The following POP1 variants were observed in gnomAD, a reference collection of about 807,000 sequenced individuals.
POP1 encodes ribonucleases P/MRP protein subunit POP1.
Under a neutral mutation model 102.2 loss-of-function variants are expected in POP1, and 75 were observed. The ratio of observed to expected loss-of-function variants is 0.73; its 90% confidence interval spans 0.61 to 0.89. POP1 has a LOEUF of 0.89. POP1 is among the 40% of genes least tolerant of loss of function. The pLI, the probability that POP1 is intolerant of heterozygous loss-of-function variation, is 0.00. For missense variants in POP1, 1,116 were observed against 1,267.4 expected (o/e 0.88, Z 1.81); for synonymous variants, 436 against 464.1 (o/e 0.94, Z 0.78).
intron 12 of POP1, 40 bp from the exon 13 acceptor site, chr8:98,148,775 A>G: frequency 6.4e-7 from 1 of 1,563,758 alleles, no homozygotes; most frequent in Non-Finnish European, 8.8e-7. Context: ...CTCCCAGAAG[A>G]CTAGGGCTAT....
Position 98,128,527 on chromosome 8 carries a change from T to C in POP1, c.473T>C (p.Ile158Thr), listed in dbSNP as rs775668149. 1 of 1,613,928 alleles carries C rather than the reference T, an allele frequency of 6.2e-7. No homozygotes were observed. The highest frequency in any genetic ancestry group is 2.2e-5 in the East Asian group (1 of 44,884). ...VKRLPRRLQE[I>T]AQKEAEKAVH... ...CGCCTTCCCAGACGGTTACAGGAGA[T>C]TGCCCAGAAAGAGGTAGGAGTTCCA... is the stretch of plus-strand genomic sequence containing the variant. The change falls in exon 4 of 16, where the codon ATT becomes ACT. Residue 158 changes from isoleucine (I) to threonine (T), a missense_variant. By Grantham distance (89) the Ile-to-Thr change is moderately conservative. Transcript: ENST00000401707.
chr8:98,150,511 G>C lies in POP1; in HGVS notation c.1929G>C (p.Gly643=). 6.2e-7 allele frequency: 1 copy of C among 1,614,002 alleles called. No individual in the cohort carries two copies. Among genetic ancestry groups the C allele is most frequent in the South Asian group, 1.1e-5 (1 of 91,074 alleles). ...PFIYRGVRVG[G]LKESAVHSQY... ...TTTATCGAGGTGTGAGAGTCGGAGG[G>C]TTGAAAGAGTCTGCAGTGCATTCTC... The change falls in exon 14 of 16, where the codon GGG becomes GGC. Residue 643 remains glycine, a synonymous_variant. Transcript: ENST00000401707.
chr8:98,134,093 TAAAG>T, intron 6 of POP1, 57 bp downstream of exon 6: 2 of 1,288,194 alleles, frequency 1.6e-6, no homozygotes, highest in South Asian at 2.4e-5. Context: ...ATTCATTTCA[TAAAG>T]AAGTGTCTAC....
chr8:98,132,754 C>T (rs931408481), intron 5 of POP1, among the ~76,000 whole-genome samples: 1 of 152,002 alleles, frequency 6.6e-6, no homozygotes, highest in Non-Finnish European at 1.5e-5. Flanking sequence ...ATTGCTGGCA[C>T]TCAGTAACCC....
chr8:98,140,543 A>G (rs529372980), intron 10 of POP1, among the ~76,000 whole-genome samples: 2 of 152,364 alleles, frequency 1.3e-5, no homozygotes, highest in South Asian at 4.1e-4. Flanking sequence ...ATTTCATAAA[A>G]GAACCTTTTT....
In POP1 at chr8:98,158,331, A is replaced by G; in HGVS notation, c.*60A>G. On this transcript the variant is annotated 3_prime_UTR_variant, in exon 16 of 16. Coordinates refer to ENST00000401707, the MANE Select transcript of POP1 (RefSeq NM_001145860.2). ...ACGTTATTATTGTCTGCCAAGTTCT[A>G]CATGTGGAGAATCTGCTTCTGCTTT... The G allele has an allele frequency of 6.4e-7, 1 of 1,564,912 alleles. No homozygotes were observed. Among genetic ancestry groups the G allele is most frequent in the African/African-American group, 1.3e-5 (1 of 74,314 alleles).
chr8:98,144,456 G>T (rs929874363), intron 11 of POP1, among the ~76,000 whole-genome samples: 4 of 151,764 alleles, frequency 2.6e-5, no homozygotes, highest in African/African-American at 9.7e-5. Flanking sequence ...TTAACTTTTT[G>T]TAGAGACAGG....
chr8:98,150,625 T>A lies in POP1; in HGVS notation c.2043T>A (p.Leu681=). 1 of 1,614,206 alleles carries A rather than the reference T, an allele frequency of 6.2e-7. No homozygotes were observed. Among genetic ancestry groups the A allele is most frequent in the East Asian group, 2.2e-5 (1 of 44,892 alleles). ...CGGAAGAGCAAGCTAAGAATCTTCT[T>A]GAAAAGTACAAAAGGTAAGAAACTG... is the stretch of plus-strand genomic sequence containing the variant. ...LFAEEQAKNL[L]EKYKRRPPAK... The change falls in exon 14 of 16, where the codon CTT becomes CTA. Residue 681 remains leucine, a synonymous_variant. Coordinates refer to ENST00000401707, the MANE Select transcript of POP1 (RefSeq NM_001145860.2).
intron 14 of POP1, among the ~76,000 whole-genome samples, chr8:98,153,989 G>T (rs547174274): frequency 6.6e-6 from 1 of 152,288 alleles, no homozygotes; most frequent in Non-Finnish European, 1.5e-5. Flanking sequence ...GCAGTGGGGG[G>T]ATTAAGTAGC....
rs142565164 is a variant in POP1 at position 98,130,190 on chromosome 8, C to T, written c.699C>T (p.Ala233=). ...GERPTVKSHR[A]CYRAMTNRCL... is the part of the protein sequence containing the mutation. ...GGCCAACAGTCAAGAGCCACAGAGC[C>T]TGCTATCGAGCCATGACGAACCGGT... The change falls in exon 5 of 16, where the codon GCC becomes GCT. Residue 233 remains alanine, a synonymous_variant. Transcript: ENST00000401707. 9.3e-6 allele frequency: 15 copies of T among 1,614,182 alleles called. No individual in the cohort carries two copies. The highest frequency in any genetic ancestry group is 1.2e-5 in the Non-Finnish European group (14 of 1,180,026).
chr8:98,132,640 C>A (rs1470660439), intron 5 of POP1, among the ~76,000 whole-genome samples: 3 of 152,124 alleles, frequency 2.0e-5, no homozygotes, highest in African/African-American at 7.2e-5. Flanking sequence ...GTTCAAGTAA[C>A]AATCTCTGTG....
chr8:98,158,484 T>C lies in POP1; in HGVS notation c.*213T>C. On this transcript the variant is annotated 3_prime_UTR_variant, in exon 16 of 16. Transcript: ENST00000401707. Reference sequence around the variant, plus strand: ...TTCCCTGTCCTTGCTGTAATACTTTTAAATTATTTGGCCAAAAGCTTTGTA... The same window carrying C: ...TTCCCTGTCCTTGCTGTAATACTTTCAAATTATTTGGCCAAAAGCTTTGTA... 1 of 595,534 alleles carries C rather than the reference T, an allele frequency of 1.7e-6. No homozygotes were observed. Among genetic ancestry groups the C allele is most frequent in the Non-Finnish European group, 2.9e-6 (1 of 345,362 alleles). The allele number at this position is 595,534 out of a possible 1,614,324, so 36.9% of individuals were successfully genotyped here.
Position 98,140,105 on chromosome 8 carries a change from C to T in POP1, c.1390C>T (p.His464Tyr). The change falls in exon 10 of 16, where the codon CAC becomes TAC. Residue 464 changes from histidine to tyrosine, a missense_variant. By Grantham distance (83) the His-to-Tyr change is moderately conservative (BLOSUM62 2). Coordinates refer to ENST00000401707, the MANE Select transcript of POP1 (RefSeq NM_001145860.2). The stretch of plus-strand genomic sequence containing the variant: ...GGGAGAGGACACAGAGGAGACACCT[C>T]ACCGCTGGTGGATAGAAACCTGTAA... Reference protein sequence around the residue: ...TVGEDTEETPHRWWIETCKKP... With the variant: ...TVGEDTEETPYRWWIETCKKP... 1.9e-6 allele frequency: 3 copies of T among 1,614,068 alleles called. No homozygotes were observed. The highest frequency in any genetic ancestry group is 1.7e-6 in the Non-Finnish European group (2 of 1,179,982).
Position 98,123,743 on chromosome 8 carries a change from C to T in POP1, c.142+264C>T, listed in dbSNP as rs2130576544. 2.0e-5 allele frequency among the ~76,000 whole-genome samples: 3 copies of T among 150,686 alleles called. 1 individual carries two copies. In the South Asian group the frequency reaches 6.3e-4, roughly 32 times the overall value. ...AGTGAGCTGAGATCATGACACTGCA[C>T]TCCAGCCTGAAGACAGAGTGAGACT... On this transcript the variant is annotated intron_variant, in intron 2 of 15. Transcript: ENST00000401707.
At chr8:98,138,229 CTTCTCATTGTAATTAAGATAAAA>C (rs1251178576) in intron 9 of POP1, among the ~76,000 whole-genome samples, 4 of 152,186 alleles carry the variant, frequency 2.6e-5, no homozygotes, top group African/African-American at 9.7e-5. Flanking sequence ...TTTTGAATAG[CTTCTCATTGTAATTAAGATAAAA>C]TCCAAAGTGC....
chr8:98,137,890 G>A (rs1046653161), intron 9 of POP1, among the ~76,000 whole-genome samples: 4 of 152,222 alleles, frequency 2.6e-5, no homozygotes, highest in Non-Finnish European at 5.9e-5. Flanking sequence ...GATCCTGTTC[G>A]TTTTCTGGTC....
chr8:98,136,176 G>C (rs1206837150), intron 7 of POP1, among the ~76,000 whole-genome samples: 1 of 151,920 alleles, frequency 6.6e-6, no homozygotes, highest in Non-Finnish European at 1.5e-5. Context: ...TGCCTCCCAG[G>C]TTCAAGTGAT....
chr8:98,132,694 C>T (rs1439430407), intron 5 of POP1, among the ~76,000 whole-genome samples: 4 of 151,996 alleles, frequency 2.6e-5, no homozygotes, highest in South Asian at 2.1e-4. Context: ...ATACTAGGTA[C>T]ATCTGGTTGT....
At chr8:98,132,840 CAGG>C (rs1041403528) in intron 5 of POP1, among the ~76,000 whole-genome samples, 1 of 139,980 alleles carries the variant, frequency 7.1e-6, no homozygotes, top group Non-Finnish European at 1.5e-5. Context: ...GAGGCTGAGG[CAGG>C]AGGATTGCTT....
Sources: allele counts gnomAD v4.1 joint callset (sites outside exome capture counted in the v4.1 genomes callset), GRCh38; gene constraint gnomAD v4.1.1; transcripts MANE v1.5; gene names NCBI Gene and HGNC (gene_info 2026-07-23, HGNC 2026-07-21).